Variants in CNTNAP2 observed in about 807,000 individuals in gnomAD.
CNTNAP2 encodes contactin-associated protein-like 2.
In CNTNAP2, 98 loss-of-function variants were observed where a neutral mutation model predicts 155.2. The ratio of observed to expected loss-of-function variants is 0.63; its 90% CI spans 0.54 to 0.75. CNTNAP2 has a LOEUF of 0.75. Ranked by LOEUF, CNTNAP2 falls within the 30% of genes least tolerant of loss-of-function variation. The pLI is 0.00. For missense variants in CNTNAP2, 1,727 were observed against 1,688.1 expected, an observed-to-expected ratio of 1.02 and a Z score of -0.40; for synonymous variants, 651 against 631.2, an observed-to-expected ratio of 1.03 and a Z score of -0.47.
chr7:146,631,920 A>G (rs1456752218), intron 1 of CNTNAP2, among the ~76,000 whole-genome samples: 2 of 149,720 alleles, frequency 1.3e-5, no homozygotes, highest in African/African-American at 5.0e-5. Flanking sequence ...TGCCTGCTCA[A>G]AGGCTCAGAA....
intron 1 of CNTNAP2, among the ~76,000 whole-genome samples, chr7:146,561,792 G>A (rs1010460695): frequency 9.9e-5 from 15 of 152,088 alleles, no homozygotes; most frequent in South Asian, 4.1e-4. Context: ...TTTTGTTGTC[G>A]TTGTTTATTG....
At chr7:147,624,876 G>C (rs780312153) in intron 12 of CNTNAP2, among the ~76,000 whole-genome samples, 3 of 152,106 alleles carry the variant, frequency 2.0e-5, no homozygotes, top group African/African-American at 4.8e-5. Context: ...CAACAGATGA[G>C]TGGATAAAGA....
chr7:147,983,221 G>C (rs1343615667), intron 15 of CNTNAP2, among the ~76,000 whole-genome samples: 2 of 151,950 alleles, frequency 1.3e-5, no homozygotes, highest in Non-Finnish European at 2.9e-5. Flanking sequence ...TTCTCATCTG[G>C]GTTCAGGAAG....
At position 148,011,932 on chromosome 7, in the gene CNTNAP2, A is replaced by G. The variant is rs144749301; in HGVS notation, c.2383+33943A>G. On this transcript the variant is annotated intron_variant, in intron 15 of 23. Coordinates refer to ENST00000361727, the MANE Select transcript of CNTNAP2 (RefSeq NM_014141.6). Reference sequence around the variant, plus strand: ...GGGGCCTCAGCCCTGTGCATCCTCTAGATTCCCACCACAGGGGAGCCCAGG... The same window carrying G: ...GGGGCCTCAGCCCTGTGCATCCTCTGGATTCCCACCACAGGGGAGCCCAGG... Among the ~76,000 whole-genome samples the G allele has an allele frequency of 2.2e-3, 333 of 152,326 alleles. 8 individuals are homozygous for G. The South Asian group carries it at 0.023, about 11-fold the overall frequency.
At chr7:147,606,135 A>G (rs1399983125) in intron 12 of CNTNAP2, among the ~76,000 whole-genome samples, 4 of 152,150 alleles carry the variant, frequency 2.6e-5, no homozygotes, top group East Asian at 3.9e-4. Context: ...TTCTAGCACA[A>G]TTCAAAAAGT....
At chr7:148,024,157 T>TAAAAAAAAAAA (rs34591496) in intron 15 of CNTNAP2, among the ~76,000 whole-genome samples, 6 of 107,592 alleles carry the variant, frequency 5.6e-5, no homozygotes, top group African/African-American at 1.8e-4. Context: ...CTTTAAAGTG[T>TAAAAAAAAAAA]AAAAAAAAAA....
chr7:148,375,215 T>A (rs1042058617), intron 21 of CNTNAP2, among the ~76,000 whole-genome samples: 10 of 149,892 alleles, frequency 6.7e-5, no homozygotes, highest in Admixed American at 1.3e-4. Context: ...TACAACTATA[T>A]ATGTATAGTT....
intron 21 of CNTNAP2, among the ~76,000 whole-genome samples, chr7:148,332,521 C>T (rs1218458930): frequency 1.3e-5 from 2 of 152,106 alleles, no homozygotes; most frequent in Non-Finnish European, 2.9e-5. Flanking sequence ...TGACCCAGAG[C>T]GTGGCCCTTC....
chr7:146,705,677 G>A (rs768754681), intron 1 of CNTNAP2, among the ~76,000 whole-genome samples: 1 of 152,082 alleles, frequency 6.6e-6, no homozygotes, highest in African/African-American at 2.4e-5. Flanking sequence ...GCAAAGAGAC[G>A]TCTTACATGG....
intron 1 of CNTNAP2, among the ~76,000 whole-genome samples, chr7:146,338,191 C>T (rs576905340): frequency 2.0e-5 from 3 of 152,188 alleles, no homozygotes; most frequent in Admixed American, 1.3e-4. Context: ...GTCCAAAGTA[C>T]ACACATATAT....
At chr7:146,334,430 C>CA (rs1179295401) in intron 1 of CNTNAP2, among the ~76,000 whole-genome samples, 31,172 of 93,662 alleles carry the variant, frequency 0.33, 4,299 homozygotes, top group Admixed American at 0.49. Flanking sequence ...GACTCCGTCT[C>CA]AAAAAAAAAA....
chr7:146,160,186 T>A (rs1262993681), intron 1 of CNTNAP2, among the ~76,000 whole-genome samples: 1 of 152,130 alleles, frequency 6.6e-6, no homozygotes, highest in Non-Finnish European at 1.5e-5. Context: ...GGGACACATT[T>A]AAAGCAGTGT....
At chr7:146,753,981 A>G (rs527962288) in intron 1 of CNTNAP2, among the ~76,000 whole-genome samples, 1 of 152,094 alleles carries the variant, frequency 6.6e-6, no homozygotes, top group South Asian at 2.1e-4. Context: ...TTCTACATCT[A>G]TTTTTTATTC....
chr7:147,169,246 C>T (rs572897955), intron 8 of CNTNAP2, among the ~76,000 whole-genome samples: 3 of 152,004 alleles, frequency 2.0e-5, no homozygotes, highest in African/African-American at 4.8e-5. Flanking sequence ...TGCCTAAATG[C>T]GAAGTTCTAG....
intron 21 of CNTNAP2, among the ~76,000 whole-genome samples, chr7:148,275,012 G>A (rs929988056): frequency 2.6e-5 from 4 of 152,154 alleles, no homozygotes; most frequent in East Asian, 1.9e-4. Flanking sequence ...TGCATAATCA[G>A]CAAATGTATA....
intron 3 of CNTNAP2, among the ~76,000 whole-genome samples, chr7:146,885,473 T>C (rs12703846): frequency 0.33 from 50,324 of 152,030 alleles, 10,153 homozygotes; most frequent in Non-Finnish European, 0.45. Flanking sequence ...CAAGCTCTTA[T>C]ATAGCTGATG....
chr7:146,278,050 A>G (rs1217635270), intron 1 of CNTNAP2, among the ~76,000 whole-genome samples: 3 of 152,186 alleles, frequency 2.0e-5, no homozygotes, highest in Admixed American at 2.0e-4. Flanking sequence ...AGATACTGAA[A>G]TGTTATTGTC....
At chr7:148,266,924 A>T (rs3801975) in intron 20 of CNTNAP2, 109 bp from the exon 21 acceptor site, 1 of 967,080 alleles carries the variant, frequency 1.0e-6, no homozygotes, top group Non-Finnish European at 1.7e-6. Flanking sequence ...ATGAAATAAG[A>T]TATCAGAAAA....
intron 19 of CNTNAP2, among the ~76,000 whole-genome samples, chr7:148,224,529 CA>C: frequency 6.6e-6 from 1 of 152,252 alleles, no homozygotes; most frequent in Non-Finnish European, 1.5e-5. Flanking sequence ...CAGGGCATTG[CA>C]ACCGCTATTT....
Sources: gnomAD v4.1 joint callset for allele counts (sites outside exome capture counted in the v4.1 genomes callset) on GRCh38, gnomAD v4.1.1 for gene constraint, MANE v1.5 for transcripts, NCBI Gene and HGNC (gene_info 2026-07-23, HGNC 2026-07-21) for gene names.